NFYC: variants seen among roughly 807,000 people sequenced by gnomAD.
The protein encoded by NFYC is nuclear transcription factor Y subunit gamma.
A neutral mutation model predicts 53.1 loss-of-function variants in NFYC; 25 were observed. The observed-to-expected ratio is 0.47, with a 90% confidence interval of 0.34 to 0.66. NFYC has a LOEUF of 0.66. Among genes scored for constraint, NFYC ranks in the 30% least tolerant of loss-of-function variants. The pLI is 0.01. For synonymous variants in NFYC, 145 were observed against 152.6 expected, an observed-to-expected ratio of 0.95 and a Z score of 0.37; for missense variants, 260 against 422.7, an observed-to-expected ratio of 0.62 and a Z score of 3.38.
At chr1:40,763,071 T>C (rs1385643727) in intron 7 of NFYC, 25 bp downstream of exon 7, 3 of 1,542,534 alleles carry the variant, frequency 1.9e-6, no homozygotes, top group Non-Finnish European at 2.6e-6. Flanking sequence ...GAGGTCTGTC[T>C]TTACAACTTT....
At chr1:40,698,136 G>A (rs1056586601) in intron 1 of NFYC, among the ~76,000 whole-genome samples, 1 of 152,168 alleles carries the variant, frequency 6.6e-6, no homozygotes, top group Non-Finnish European at 1.5e-5. Context: ...GACGAGGCTG[G>A]CAGATCACCT....
chr1:40,750,284 CAAG>C (rs1252906724), intron 4 of NFYC, among the ~76,000 whole-genome samples: 17 of 152,216 alleles, frequency 1.1e-4, no homozygotes, highest in African/African-American at 3.9e-4. Context: ...TTCCCAGATA[CAAG>C]AAGAAGAGTG....
intron 1 of NFYC, among the ~76,000 whole-genome samples, chr1:40,729,444 T>A (rs1296178793): frequency 6.6e-6 from 1 of 152,208 alleles, no homozygotes; most frequent in East Asian, 1.9e-4. Flanking sequence ...TTCATAGAAT[T>A]GAGAGTTAGG....
At chr1:40,737,971 C>T (rs1208615971) in intron 1 of NFYC, among the ~76,000 whole-genome samples, 6 of 144,994 alleles carry the variant, frequency 4.1e-5, no homozygotes, top group Non-Finnish European at 6.0e-5. Context: ...GGCGGGATCT[C>T]GGCTCACTGC....
rs1401157581 is a variant in NFYC at position 40,734,283 on chromosome 1, C to T, written c.-8-4553C>T. Among the ~76,000 whole-genome samples, 2 of 152,190 alleles carry T rather than the reference C, an allele frequency of 1.3e-5. 1 individual carries two copies. Among genetic ancestry groups the T allele is most frequent in the Admixed American group, 1.3e-4 (2 of 15,284 alleles). The stretch of plus-strand genomic sequence containing the variant: ...TGTTGTAAATGGACTACTTCTGTAG[C>T]AAAATCAATTTATTTGCAATTAATG... On this transcript the variant is annotated intron_variant, in intron 1 of 9. Coordinates refer to ENST00000447388, the MANE Select transcript of NFYC (RefSeq NM_014223.5).
intron 2 of NFYC, 121 bp downstream of exon 2, chr1:40,739,069 C>G: frequency 2.9e-6 from 2 of 693,896 alleles, no homozygotes; most frequent in South Asian, 1.8e-5. Flanking sequence ...AGGCATGGTT[C>G]ACCCCTGACC....
At chr1:40,747,233 G>A (rs565065556) in intron 2 of NFYC, among the ~76,000 whole-genome samples, 2 of 99,578 alleles carry the variant, frequency 2.0e-5, no homozygotes, top group East Asian at 6.1e-4. Flanking sequence ...GTCCCTCTAT[G>A]TTGTGCTGAC....
rs1026120968 is a variant in NFYC at position 40,770,589 on chromosome 1, G to C, written c.889-120G>C. On this transcript the variant is annotated intron_variant, in intron 9 of 9. Transcript: ENST00000447388. The surrounding 1 kb of genome is among the most constrained non-coding windows in gnomAD (Gnocchi z 5.3). ...GAGCTCCACTTCCCCTCCTCCTTCT[G>C]ACGCCTTGCAGTGGGTGGTGGTTGA... 6.2e-7 allele frequency: 1 copy of C among 1,612,286 alleles called. No homozygotes were observed. The highest frequency in any genetic ancestry group is 1.3e-5 in the African/African-American group (1 of 74,926).
intron 2 of NFYC, among the ~76,000 whole-genome samples, chr1:40,744,233 A>G (rs1159880430): frequency 6.6e-6 from 1 of 152,224 alleles, no homozygotes; most frequent in Non-Finnish European, 1.5e-5. Context: ...ATGAGAATCT[A>G]ATGCCCACCC....
At position 40,706,855 on chromosome 1, in the gene NFYC, TC is replaced by T. The variant is rs201766291; in HGVS notation, c.-9+14989del. Among the ~76,000 whole-genome samples, 87 of 152,244 alleles carry T rather than the reference TC, an allele frequency of 5.7e-4. 1 individual carries two copies. In the East Asian group the frequency reaches 0.01, roughly 18 times the overall value. On this transcript the variant is annotated intron_variant, in intron 1 of 9. Coordinates refer to ENST00000447388, the MANE Select transcript of NFYC (RefSeq NM_014223.5). ...AATACTTATAATATCTCTTCTGAGA[TC>T]AGCTCTGCTGTGCTTATTCTTAAAA...
At chr1:40,731,467 C>T (rs531381826) in intron 1 of NFYC, among the ~76,000 whole-genome samples, 1 of 151,406 alleles carries the variant, frequency 6.6e-6, no homozygotes, top group Admixed American at 6.6e-5. Context: ...GCCACCGCAC[C>T]TGGCCTTTCT....
intron 1 of NFYC, among the ~76,000 whole-genome samples, chr1:40,701,452 A>G (rs990819954): frequency 6.6e-6 from 1 of 152,196 alleles, no homozygotes; most frequent in African/African-American, 2.4e-5. Context: ...CTGCTATACC[A>G]AACAGGAATG....
chr1:40,767,317 A>G (rs1351619082), intron 8 of NFYC: 1 of 306,022 alleles, frequency 3.3e-6, no homozygotes. Context: ...TCAGACCCAA[A>G]AAAAGCAGCG....
intron 2 of NFYC, among the ~76,000 whole-genome samples, chr1:40,746,698 T>A (rs994619926): frequency 6.6e-6 from 1 of 152,212 alleles, no homozygotes; most frequent in African/African-American, 2.4e-5. Context: ...TTCCTAGAAT[T>A]GCATCCATCA....
At chr1:40,750,424 T>C (rs1210178151) in intron 4 of NFYC, among the ~76,000 whole-genome samples, 1 of 152,218 alleles carries the variant, frequency 6.6e-6, no homozygotes, top group Non-Finnish European at 1.5e-5. Context: ...ATTCTAAAAA[T>C]ACTTACTGAA....
chr1:40,718,911 C>T (rs552452799), intron 1 of NFYC, among the ~76,000 whole-genome samples: 4 of 152,192 alleles, frequency 2.6e-5, no homozygotes, highest in Admixed American at 2.6e-4. Flanking sequence ...CTTGCTCTGT[C>T]GCCAGGCTGG....
intron 1 of NFYC, among the ~76,000 whole-genome samples, chr1:40,714,317 G>A (rs1644043429): frequency 6.6e-6 from 1 of 152,120 alleles, no homozygotes; most frequent in Non-Finnish European, 1.5e-5. Flanking sequence ...TCTTAACTGT[G>A]CTGACTTTAC....
At chr1:40,699,558 CT>C (rs1487946976) in intron 1 of NFYC, among the ~76,000 whole-genome samples, 1 of 152,116 alleles carries the variant, frequency 6.6e-6, no homozygotes, top group Non-Finnish European at 1.5e-5. Flanking sequence ...AAGTTGGGGC[CT>C]TTTAAGAAGC....
chr1:40,706,342 C>G (rs1024460910), intron 1 of NFYC, among the ~76,000 whole-genome samples: 1 of 152,032 alleles, frequency 6.6e-6, no homozygotes, highest in Non-Finnish European at 1.5e-5. Flanking sequence ...GAACCTGGCA[C>G]TAGTAGGTGT....
Sources: gnomAD v4.1 joint callset for allele counts (sites outside exome capture counted in the v4.1 genomes callset) on GRCh38, gnomAD v4.1.1 for gene constraint, Gnocchi (gnomAD v3.1) non-coding constraint, MANE v1.5 for transcripts, NCBI Gene and HGNC (gene_info 2026-07-23, HGNC 2026-07-21) for gene names.